SLC25A24: variants seen among roughly 807,000 people sequenced by gnomAD.
SLC25A24 encodes solute carrier family 25 member 24, also known as mitochondrial adenyl nucleotide antiporter SLC25A24.
Under a neutral mutation model 60.7 loss-of-function variants are expected in SLC25A24, and 49 were observed. That is an observed-to-expected ratio of 0.81 (90% CI 0.64 to 1.02). The LOEUF (loss-of-function observed/expected upper bound fraction) is 1.02, where lower values mean the gene tolerates loss of function less well. Among genes scored for constraint, SLC25A24 ranks in the 50% least tolerant of loss-of-function variants. SLC25A24 has a pLI of 0.00. For missense variants in SLC25A24, 564 were observed against 586.3 expected, an observed-to-expected ratio of 0.96 and a Z score of 0.39; for synonymous variants, 202 against 200.6, an observed-to-expected ratio of 1.01 and a Z score of -0.06.
In SLC25A24 at chr1:108,145,381, T is replaced by C. The variant is rs527990179; in HGVS notation, c.931-1671A>G. On this transcript the variant is annotated intron_variant, in intron 7 of 9. Coordinates refer to ENST00000565488, the MANE Select transcript of SLC25A24 (RefSeq NM_013386.5). Reference sequence around the variant, plus strand: ...GTAGGTTGCCGGTTCACTCTGATGATAGTTTCTTTTGCTGTGCAGAAGATC... The same window carrying C: ...GTAGGTTGCCGGTTCACTCTGATGACAGTTTCTTTTGCTGTGCAGAAGATC... Among the ~76,000 whole-genome samples the C allele has an allele frequency of 3.0e-4, 45 of 152,312 alleles. No homozygotes were observed. The South Asian group carries it at 5.8e-3, about 20-fold the overall frequency.
intron 3 of SLC25A24, among the ~76,000 whole-genome samples, chr1:108,180,652 C>G (rs1647892130): frequency 7.4e-6 from 1 of 135,862 alleles, no homozygotes; most frequent in Non-Finnish European, 1.6e-5. Flanking sequence ...CTCTCTCTCT[C>G]TCTCTCTCTC....
chr1:108,200,327 C>A lies in SLC25A24; in HGVS notation c.-189G>T. ...GGAGCGGAGACCCCACCCGAGCCCG[C>A]GCGGAGCGCAGGGTGTGGCCGTCCC... is the stretch of plus-strand genomic sequence containing the variant. On this transcript the variant is annotated 5_prime_UTR_variant, in exon 1 of 10. Transcript: ENST00000565488. The A allele has an allele frequency of 2.7e-6, 1 of 367,962 alleles. No homozygotes were observed. The highest frequency in any genetic ancestry group is 4.5e-6 in the Non-Finnish European group (1 of 220,128). 22.8% of individuals were successfully genotyped at this position (367,962 alleles called of 1,614,324 possible).
intron 3 of SLC25A24, among the ~76,000 whole-genome samples, chr1:108,167,146 G>A (rs1417280667): frequency 5.4e-5 from 8 of 148,348 alleles, no homozygotes; most frequent in Admixed American, 2.0e-4. Flanking sequence ...CAGTCTGCCC[G>A]TTCTCAGATC....
intron 3 of SLC25A24, among the ~76,000 whole-genome samples, chr1:108,166,688 C>T (rs1268050207): frequency 6.6e-6 from 1 of 151,986 alleles, no homozygotes; most frequent in African/African-American, 2.4e-5. Context: ...TCTAGTTATA[C>T]ATTCTTCTAC....
Position 108,187,038 on chromosome 1 carries a change from T to C in SLC25A24, c.184-1084A>G, listed in dbSNP as rs187625115. ...GTTGCTGTGAGCCGAGATCGCACCA[T>C]TGCACACCAGCCTAGGCAATAAGAG... is the stretch of plus-strand genomic sequence containing the variant. On this transcript the variant is annotated intron_variant, in intron 1 of 9. Coordinates refer to ENST00000565488, the MANE Select transcript of SLC25A24 (RefSeq NM_013386.5). Among the ~76,000 whole-genome samples, 4 of 150,434 alleles carry C rather than the reference T, an allele frequency of 2.7e-5. No individual in the cohort carries two copies. In the East Asian group the frequency reaches 5.9e-4, roughly 22 times the overall value.
At chr1:108,154,010 T>A (rs1679820080) in intron 6 of SLC25A24, among the ~76,000 whole-genome samples, 1 of 151,316 alleles carries the variant, frequency 6.6e-6, no homozygotes, top group Non-Finnish European at 1.5e-5. Context: ...AACCTTCATA[T>A]AAGGAAAATA....
rs1373326388 is a variant in SLC25A24 at position 108,157,614 on chromosome 1, C to A, written c.517G>T (p.Asp173Tyr). ...GGAATAGTTAAGCTATCCCCTATGTCAATTCCCTGTAAAAATGAAAAAAAG... is the reference window on the plus strand; with the variant it reads ...GGAATAGTTAAGCTATCCCCTATGTAAATTCCCTGTAAAAATGAAAAAAAG... ...IRFWKHSTGI[D>Y]IGDSLTIPDE... The change falls in exon 5 of 10, where the codon GAC becomes TAC. Residue 173 changes from aspartate (D) to tyrosine (Y), a missense_variant. Transcript: ENST00000565488. 2 of 1,611,242 alleles carry A rather than the reference C, an allele frequency of 1.2e-6. No individual in the cohort carries two copies. The highest frequency in any genetic ancestry group is 1.7e-6 in the Non-Finnish European group (2 of 1,178,190).
intron 4 of SLC25A24, among the ~76,000 whole-genome samples, chr1:108,160,865 A>G (rs1383521160): frequency 2.6e-5 from 4 of 152,162 alleles, no homozygotes; most frequent in African/African-American, 9.6e-5. Context: ...CAGGAGAATC[A>G]GGCAGGGAGG....
intron 3 of SLC25A24, among the ~76,000 whole-genome samples, chr1:108,174,696 G>A (rs994156307): frequency 1.3e-5 from 2 of 152,148 alleles, no homozygotes; most frequent in African/African-American, 4.8e-5. Context: ...GAGCCAGAAG[G>A]GGGTCTGTAC....
Position 108,136,727 on chromosome 1 carries a change from C to T in SLC25A24, c.1360G>A (p.Val454Met). The T allele has an allele frequency of 6.2e-7, 1 of 1,614,096 alleles. No homozygotes were observed. The highest frequency in any genetic ancestry group is 8.5e-7 in the Non-Finnish European group (1 of 1,179,982). The part of the protein sequence containing the change: ...YRGITPNFMK[V>M]LPAVGISYVV... ...TAACTGATGCCTACAGCAGGGAGCA[C>T]CTTCATGAAGTTTGGGGTGATGCCT... is the stretch of plus-strand genomic sequence containing the variant. Residue 454 changes from valine to methionine, a missense_variant, in exon 10 of 10, where the codon GTG becomes ATG. By Grantham distance (21) the Val-to-Met change is conservative. Transcript: ENST00000565488.
chr1:108,161,019 A>G (rs1027156644), intron 4 of SLC25A24, among the ~76,000 whole-genome samples, 163 bp downstream of exon 4: 2 of 151,696 alleles, frequency 1.3e-5, no homozygotes, highest in African/African-American at 4.8e-5. Context: ...TTTGTTTAAT[A>G]CTCTATAAAT....
chr1:108,158,058 T>C (rs1679952250), intron 4 of SLC25A24, among the ~76,000 whole-genome samples: 1 of 152,196 alleles, frequency 6.6e-6, no homozygotes, highest in African/African-American at 2.4e-5. Flanking sequence ...CTCAAATTTA[T>C]ATCCACATCA....
Position 108,143,615 on chromosome 1 carries a change from A to G in SLC25A24, c.1026T>C (p.Ala342=). The G allele has an allele frequency of 6.2e-7, 1 of 1,613,756 alleles. No homozygotes were observed. Among genetic ancestry groups the G allele is most frequent in the Non-Finnish European group, 8.5e-7 (1 of 1,179,718 alleles). ...KKILKHEGLG[A]FYKGYVPNLL... ...AATTGGGAACATAGCCTTTGTAAAA[A>G]GCTCCCAAGCCTTCATGTTTCAAAA... The change falls in exon 8 of 10, where the codon GCT becomes GCC. Residue 342 remains alanine (A), a synonymous_variant. Transcript: ENST00000565488.
chr1:108,148,650 C>T (rs1350282063), intron 6 of SLC25A24, among the ~76,000 whole-genome samples: 1 of 152,184 alleles, frequency 6.6e-6, no homozygotes, highest in African/African-American at 2.4e-5. Flanking sequence ...CACATACCAG[C>T]TGTCTACAAG....
At chr1:108,182,088 T>C (rs1558024607) in intron 2 of SLC25A24, 60 bp from the exon 3 acceptor site, 2 of 1,089,972 alleles carry the variant, frequency 1.8e-6, no homozygotes, top group Non-Finnish European at 2.8e-6. Context: ...CCACAGAAAT[T>C]ATGAATTTCA....
chr1:108,177,841 T>C (rs1283044403), intron 3 of SLC25A24, among the ~76,000 whole-genome samples: 3 of 152,126 alleles, frequency 2.0e-5, no homozygotes, highest in Non-Finnish European at 4.4e-5. Flanking sequence ...TAAATATATA[T>C]GAACCCAACA....
chr1:108,152,089 T>C (rs1321169312), intron 6 of SLC25A24, among the ~76,000 whole-genome samples: 1 of 152,212 alleles, frequency 6.6e-6, no homozygotes, highest in Non-Finnish European at 1.5e-5. Context: ...TTTTTCAGGT[T>C]GATATTCCTT....
chr1:108,160,279 G>T (rs1266132802), intron 4 of SLC25A24, among the ~76,000 whole-genome samples: 1 of 151,752 alleles, frequency 6.6e-6, no homozygotes, highest in African/African-American at 2.4e-5. Flanking sequence ...TCAGACGATG[G>T]GCGGCCGGGC....
chr1:108,156,217 C>T (rs1392971751), intron 5 of SLC25A24, among the ~76,000 whole-genome samples: 1 of 152,194 alleles, frequency 6.6e-6, no homozygotes, highest in South Asian at 2.1e-4. Context: ...TCATCCGCAT[C>T]TTTTCCCCGT....
Sources: gnomAD v4.1 joint callset for allele counts (sites outside exome capture counted in the v4.1 genomes callset) on GRCh38, gnomAD v4.1.1 for gene constraint, MANE v1.5 for transcripts, NCBI Gene and HGNC (gene_info 2026-07-23, HGNC 2026-07-21) for gene names.